Variants in TRAP1 observed in about 807,000 individuals in gnomAD.
TRAP1 encodes TNF receptor associated protein 1.
In TRAP1, 102 loss-of-function variants were observed where a neutral mutation model predicts 89.1. That is an observed-to-expected ratio of 1.15 (90% CI 0.98 to 1.35). The LOEUF is 1.35. TRAP1 is among the 40% of genes most tolerant of loss of function. TRAP1 has a pLI of 0.00. For missense variants in TRAP1, 1,256 were observed against 945.3 expected, an observed-to-expected ratio of 1.33 and a Z score of -4.31; for synonymous variants, 508 against 388.0, an observed-to-expected ratio of 1.31 and a Z score of -3.64.
rs764916149 is a variant in TRAP1, at chr16:3,658,831, C to T, written c.1975G>A (p.Ala659Thr). The T allele has an allele frequency of 2.6e-5, 42 of 1,613,842 alleles. No homozygotes were observed. The highest frequency in any genetic ancestry group is 8.0e-5 in the African/African-American group (6 of 74,930). Residue 659 changes from alanine to threonine, a missense_variant, in exon 17 of 18, where the codon GCA (alanine) becomes ACA (threonine). Ala to Thr is a moderately conservative substitution (Grantham distance 58, BLOSUM62 0). Coordinates refer to ENST00000246957, the MANE Select transcript of TRAP1 (RefSeq NM_016292.3). ...AGCTGAGCCAGGCCAGGCTCGCTTG[C>T]GCGCAGCTGATTCAGCTTCTTGATG... is the stretch of plus-strand genomic sequence containing the variant. The part of the protein sequence containing the change: ...ALIKKLNQLR[A>T]SEPGLAQLLV...
intron 3 of TRAP1, among the ~76,000 whole-genome samples, chr16:3,687,883 A>AAAAAC (rs5815178): frequency 6.7e-6 from 1 of 150,016 alleles, no homozygotes; most frequent in Non-Finnish European, 1.5e-5. Context: ...AAAAACAAAA[A>AAAAAC]CCCACACAAT....
chr16:3,679,806 C>T lies in TRAP1; in HGVS notation c.472-16G>A, dbSNP rs775341559. ...TACCAGTATCCTGAGGAGAGAGACGCACTAAGTGCCAAGCCCCCAGCACCT... is the reference window on the plus strand; with the variant it reads ...TACCAGTATCCTGAGGAGAGAGACGTACTAAGTGCCAAGCCCCCAGCACCT... On this transcript the variant is annotated splice_polypyrimidine_tract_variant and intron_variant, in intron 4 of 17. Coordinates refer to ENST00000246957, the MANE Select transcript of TRAP1 (RefSeq NM_016292.3). The T allele has an allele frequency of 1.2e-5, 19 of 1,613,608 alleles. No individual in the cohort carries two copies. The highest frequency in any genetic ancestry group is 3.3e-5 in the Admixed American group (2 of 59,998).
At chr16:3,706,351 G>A (rs2051445775) in intron 1 of TRAP1, among the ~76,000 whole-genome samples, 1 of 151,890 alleles carries the variant, frequency 6.6e-6, no homozygotes, top group African/African-American at 2.4e-5. Context: ...CACTGTCATG[G>A]TGCATGGTAG....
chr16:3,694,885 G>A (rs1282406537), intron 1 of TRAP1, among the ~76,000 whole-genome samples: 1 of 152,182 alleles, frequency 6.6e-6, no homozygotes, highest in South Asian at 2.1e-4. Context: ...AGTCCTGGAA[G>A]CAAGAAGTCC....
chr16:3,708,306 C>T (rs1030530680), intron 1 of TRAP1, among the ~76,000 whole-genome samples: 2 of 151,738 alleles, frequency 1.3e-5, no homozygotes, highest in African/African-American at 2.4e-5. Context: ...GCCAACATGG[C>T]AAAACCCTGT....
At position 3,675,348 on chromosome 16, in the gene TRAP1, A is replaced by G; in HGVS notation, c.864T>C (p.Asn288=). The G allele has an allele frequency of 1.2e-6, 2 of 1,614,128 alleles. No homozygotes were observed. Among genetic ancestry groups the G allele is most frequent in the African/African-American group, 1.3e-5 (1 of 75,050 alleles). The change falls in exon 8 of 18, where the codon AAT becomes AAC. Residue 288 remains asparagine, a synonymous_variant. Transcript: ENST00000246957. ...SNFVSFPLYL[N]GRRMNTLQAI... is the part of the protein sequence containing the mutation. ...CCTGCAAGGTGTTCATCCGCCTTCC[A>G]TTCAAGTACAAGGGGAAGCTGACGA... is the stretch of plus-strand genomic sequence containing the variant.
chr16:3,703,830 A>C lies in TRAP1; in HGVS notation c.89-12845T>G, dbSNP rs950948652. Among the ~76,000 whole-genome samples, 4 of 151,720 alleles carry C rather than the reference A, an allele frequency of 2.6e-5. 1 individual carries two copies. Among genetic ancestry groups the C allele is most frequent in the African/African-American group, 9.7e-5 (4 of 41,052 alleles). On this transcript the variant is annotated intron_variant, in intron 1 of 17. Coordinates refer to ENST00000246957, the MANE Select transcript of TRAP1 (RefSeq NM_016292.3). ...GGAGATCAAGATCATCCTGGCTAAC[A>C]CGGTGAAAGCCAGTCTCTATTGAAA...
At chr16:3,658,262 G>A in intron 17 of TRAP1, 32 bp from the exon 18 acceptor site, 2 of 1,535,616 alleles carry the variant, frequency 1.3e-6, no homozygotes, top group Non-Finnish European at 8.9e-7. Flanking sequence ...CCATTATGAG[G>A]GGCATGGGGC....
intron 1 of TRAP1, chr16:3,704,359 G>C (rs950064241): frequency 6.6e-6 from 1 of 152,038 alleles, no homozygotes; most frequent in Non-Finnish European, 1.5e-5. Context: ...ACAAAACGTT[G>C]CATTATAAAA....
chr16:3,685,999 G>C lies in TRAP1; in HGVS notation c.468C>G (p.Ile156Met). The C allele has an allele frequency of 1.2e-6, 2 of 1,613,916 alleles. No homozygotes were observed. Among genetic ancestry groups the C allele is most frequent in the Non-Finnish European group, 1.7e-6 (2 of 1,179,918 alleles). The change falls in exon 4 of 18, where the codon ATC becomes ATG. Residue 156 changes from isoleucine to methionine, a missense_variant. Coordinates refer to ENST00000246957, the MANE Select transcript of TRAP1 (RefSeq NM_016292.3). ...QTNAEKGTIT[I>M]QDTGIGMTQE... ...GCCTGGACACTGAGGGAGGTACCTG[G>C]ATGGTGATGGTGCCTTTCTCGGCAT...
rs369964044 is a variant in TRAP1 at position 3,658,810 on chromosome 16, G to A, written c.1996C>T (p.Gln666Ter). The A allele has an allele frequency of 5.3e-5, 86 of 1,613,854 alleles. No individual in the cohort carries two copies. The African/African-American group carries it at 7.6e-4, about 14-fold the overall frequency. ...QLRASEPGLA[Q>*]LLVDQIYENA... ...GCACTCACCTGATCCACCAGCAGCT[G>A]AGCCAGGCCAGGCTCGCTTGCGCGC... is the stretch of plus-strand genomic sequence containing the variant. The change falls in exon 17 of 18, where the codon CAG (glutamine) becomes TAG (stop). Residue 666 changes from glutamine to a stop codon, truncating the protein, a stop_gained. Transcript: ENST00000246957. LOFTEE classifies it high-confidence loss of function.
In TRAP1 at chr16:3,672,816, G is replaced by C; in HGVS notation, c.1049C>G (p.Pro350Arg). ...RSIFYVPDMKPSMFDVSRELG... is the reference protein window; with the variant it reads ...RSIFYVPDMKRSMFDVSRELG... ...CTCCCGGCTCACATCAAACATGGAC[G>C]GTTTCTGGGGGTGAGGAGAACACGC... The change falls in exon 10 of 18, where the codon CCG becomes CGG. Residue 350 changes from proline (P) to arginine (R), a missense_variant. Coordinates refer to ENST00000246957, the MANE Select transcript of TRAP1 (RefSeq NM_016292.3). The C allele has an allele frequency of 6.2e-7, 1 of 1,612,154 alleles. No homozygotes were observed. The highest frequency in any genetic ancestry group is 8.5e-7 in the Non-Finnish European group (1 of 1,179,394).
chr16:3,662,144 G>T lies in TRAP1; in HGVS notation c.1795-12C>A. The T allele has an allele frequency of 1.2e-6, 2 of 1,608,204 alleles. No individual in the cohort carries two copies. The highest frequency in any genetic ancestry group is 1.7e-6 in the Non-Finnish European group (2 of 1,176,852). The stretch of plus-strand genomic sequence containing the variant: ...AGTCGGAGGGTCACCTGTGAGCAAA[G>T]CCCGGGGTTGAGGGTGATAGAGGTT... On this transcript the variant is annotated splice_polypyrimidine_tract_variant and intron_variant, in intron 15 of 17. Coordinates refer to ENST00000246957, the MANE Select transcript of TRAP1 (RefSeq NM_016292.3).
At position 3,663,385 on chromosome 16, in the gene TRAP1, G is replaced by A. The variant is rs748692036; in HGVS notation, c.1708+39C>T. ...GGGGCAGGAGAGGCGTGCGGGGAGT[G>A]GAAACCAGCCCCACGCCTAGAGAGC... On this transcript the variant is annotated intron_variant, in intron 14 of 17. Transcript: ENST00000246957. The A allele has an allele frequency of 1.9e-6, 3 of 1,612,384 alleles. No homozygotes were observed. The South Asian group carries it at 3.3e-5, about 18-fold the overall frequency.
chr16:3,715,489 G>A (rs531309927), intron 1 of TRAP1, among the ~76,000 whole-genome samples: 1 of 152,180 alleles, frequency 6.6e-6, no homozygotes, highest in South Asian at 2.1e-4. Flanking sequence ...AAATGTCCCT[G>A]GGCTGAAAAC....
chr16:3,669,150 C>T (rs907614936), intron 11 of TRAP1, among the ~76,000 whole-genome samples: 3 of 152,182 alleles, frequency 2.0e-5, no homozygotes, highest in South Asian at 4.1e-4. Flanking sequence ...AATAATAATC[C>T]GGGAGTCAGC....
intron 10 of TRAP1, 122 bp downstream of exon 10, chr16:3,672,578 A>T: frequency 3.5e-6 from 5 of 1,417,778 alleles, no homozygotes; most frequent in Non-Finnish European, 4.6e-6. Context: ...CAGGCAGCGC[A>T]GGCCGACGGC....
chr16:3,685,682 C>A (rs958501950), intron 4 of TRAP1, among the ~76,000 whole-genome samples: 1 of 152,150 alleles, frequency 6.6e-6, no homozygotes, highest in East Asian at 1.9e-4. Flanking sequence ...GAAAAGAGTA[C>A]ATTAAAAATA....
intron 1 of TRAP1, among the ~76,000 whole-genome samples, chr16:3,704,939 G>C (rs572880972): frequency 3.3e-5 from 5 of 151,966 alleles, no homozygotes; most frequent in Admixed American, 2.6e-4. Context: ...TAAAAGTACT[G>C]AAAGAAAACA....
Sources: gnomAD v4.1 joint callset for allele counts (sites outside exome capture counted in the v4.1 genomes callset) on GRCh38, gnomAD v4.1.1 for gene constraint, MANE v1.5 for transcripts, NCBI Gene and HGNC (gene_info 2026-07-23, HGNC 2026-07-21) for gene names.